Variants in KALRN observed in about 807,000 individuals in gnomAD.
KALRN encodes kalirin.
KALRN carries 70 observed loss-of-function variants against 353.7 expected under a neutral mutation model. The ratio of observed to expected loss-of-function variants is 0.20; its 90% CI spans 0.16 to 0.24. KALRN has a LOEUF of 0.24. Among genes scored for constraint, KALRN ranks in the 10% least tolerant of loss-of-function variants. The probability of loss-of-function intolerance (pLI) is 1.00; values close to 1 mark genes in which losing one functional copy is unlikely to be tolerated. For missense variants in KALRN, 2,791 were observed against 3,756.7 expected (o/e 0.74, Z 6.72); for synonymous variants, 1,391 against 1,434.8 (o/e 0.97, Z 0.69).
chr3:124,306,285 G>A (rs1580754152), intron 6 of KALRN, among the ~76,000 whole-genome samples: 2 of 151,810 alleles, frequency 1.3e-5, no homozygotes, highest in East Asian at 3.9e-4. Context: ...TGTTGCTCAG[G>A]CTGAGAGGCT....
chr3:124,141,306 CCTCA>C (rs2066595233), intron 1 of KALRN, among the ~76,000 whole-genome samples: 1 of 152,190 alleles, frequency 6.6e-6, no homozygotes, highest in Non-Finnish European at 1.5e-5. Flanking sequence ...AGATTAGAAT[CCTCA>C]CTCTGTCAGC....
intron 35 of KALRN, 57 bp from the exon 36 acceptor site, chr3:124,633,795 C>T: frequency 6.7e-7 from 1 of 1,484,652 alleles, no homozygotes; most frequent in Middle Eastern, 1.7e-4. Context: ...ATGTCAAGTC[C>T]AGAACCACTG....
chr3:124,424,352 C>T (rs1324302876), intron 15 of KALRN, among the ~76,000 whole-genome samples: 3 of 152,100 alleles, frequency 2.0e-5, no homozygotes, highest in Non-Finnish European at 4.4e-5. Flanking sequence ...TGGAATTAAG[C>T]CTACTGATTT....
rs369107575 is a variant in KALRN, at chr3:124,671,670, G to A, written c.6714G>A (p.Ser2238=). 92 of 1,611,242 alleles carry A rather than the reference G, an allele frequency of 5.7e-5. No homozygotes were observed. Among genetic ancestry groups the A allele is most frequent in the Non-Finnish European group, 6.7e-5 (79 of 1,177,462 alleles). Residue 2238 remains serine, a synonymous_variant, in exon 48 of 60, where the codon TCG becomes TCA. Transcript: ENST00000682506. ...GCTCTTATCCCACAGCACTGCAATCGCCCATTGAGTATCAACGGAAAGAAA... is the reference window on the plus strand; with the variant it reads ...GCTCTTATCCCACAGCACTGCAATCACCCATTGAGTATCAACGGAAAGAAA... ...TQRDFLNALQ[S]PIEYQRKERS... is the part of the protein sequence containing the mutation.
In KALRN at chr3:124,034,160, C is replaced by T. The variant is rs528506483; in HGVS notation, c.73+347C>T. On this transcript the variant is annotated intron_variant, in intron 1 of 59. Coordinates refer to ENST00000682506, the MANE Select transcript of KALRN (RefSeq NM_001388419.1). The stretch of plus-strand genomic sequence containing the variant: ...AGCGCGCCGCTCCGGCTACCGGCGT[C>T]CCGGCCCCTCCCTTGGCTCCCCCTC... Among the ~76,000 whole-genome samples, 4 of 152,262 alleles carry T rather than the reference C, an allele frequency of 2.6e-5. No homozygotes were observed. In the East Asian group the frequency reaches 7.8e-4, roughly 30 times the overall value.
chr3:124,648,279 TTG>T (rs2083000134), intron 37 of KALRN, among the ~76,000 whole-genome samples: 2 of 152,258 alleles, frequency 1.3e-5, no homozygotes, highest in African/African-American at 4.8e-5. Flanking sequence ...CCTCTTGTCC[TTG>T]TCTCTCACTG....
intron 6 of KALRN, among the ~76,000 whole-genome samples, chr3:124,304,127 A>AACACACACGCACACACAC: frequency 6.8e-6 from 1 of 147,504 alleles, no homozygotes; most frequent in East Asian, 2.0e-4. Context: ...TTTTGTTGTA[A>AACACACACGCACACACAC]ACACACACAC....
intron 5 of KALRN, among the ~76,000 whole-genome samples, chr3:124,282,900 T>G (rs1385493671): frequency 6.6e-6 from 1 of 152,156 alleles, no homozygotes; most frequent in Non-Finnish European, 1.5e-5. Context: ...TGAGCCCCAT[T>G]GCAGAGGCTG....
chr3:124,353,499 GA>G (rs1464862565), intron 10 of KALRN, among the ~76,000 whole-genome samples: 1 of 152,112 alleles, frequency 6.6e-6, no homozygotes, highest in African/African-American at 2.4e-5. Context: ...GAAATTCTGT[GA>G]CAAGAAAAGA....
intron 1 of KALRN, among the ~76,000 whole-genome samples, chr3:124,167,778 C>A (rs1423659080): frequency 1.3e-5 from 2 of 152,206 alleles, no homozygotes; most frequent in African/African-American, 4.8e-5. Flanking sequence ...TAGCTGTTAA[C>A]ATTAAAATTA....
intron 1 of KALRN, among the ~76,000 whole-genome samples, chr3:124,123,500 G>A (rs1173525461): frequency 6.6e-6 from 1 of 152,200 alleles, no homozygotes; most frequent in African/African-American, 2.4e-5. Context: ...AGCTAGCAGA[G>A]GTTGGTTCAT....
rs548490375 is a variant in KALRN, at chr3:124,384,943, C to A, written c.1869C>A (p.His623Gln). Residue 623 changes from histidine (H) to glutamine (Q), a missense_variant, in exon 11 of 60, where the codon CAC becomes CAA. His to Gln is a conservative substitution (Grantham distance 24). Transcript: ENST00000682506. Reference protein sequence around the residue: ...DPEEIYKAARHLEVRIQDFVR... With the variant: ...DPEEIYKAARQLEVRIQDFVR... ...AGGAGATCTACAAGGCAGCTCGACA[C>A]CTGGAGGTGCGCATCCAAGACTTCG... 1.9e-6 allele frequency: 3 copies of A among 1,614,098 alleles called. No individual in the cohort carries two copies. The highest frequency in any genetic ancestry group is 2.5e-6 in the Non-Finnish European group (3 of 1,179,986).
chr3:124,297,142 C>T (rs60213959), intron 5 of KALRN, among the ~76,000 whole-genome samples: 10,507 of 152,280 alleles, frequency 0.069, 1,033 homozygotes, highest in East Asian at 0.47. Context: ...GTCCCTGGCA[C>T]ATAGCAGGTA....
At chr3:124,395,499 A>C in intron 12 of KALRN, 156 bp downstream of exon 12, 1 of 583,532 alleles carries the variant, frequency 1.7e-6, no homozygotes, top group Non-Finnish European at 3.0e-6. Context: ...ACCATACTCA[A>C]CTTGAATCTA....
At chr3:124,493,029 T>A in intron 32 of KALRN, 147 bp downstream of exon 32, 1 of 816,156 alleles carries the variant, frequency 1.2e-6, no homozygotes, top group Non-Finnish European at 1.9e-6. Context: ...ATGAGTCATC[T>A]GATCTTTAAG....
At chr3:124,465,596 C>G (rs1181149932) in intron 25 of KALRN, among the ~76,000 whole-genome samples, 1 of 152,180 alleles carries the variant, frequency 6.6e-6, no homozygotes, top group Non-Finnish European at 1.5e-5. Flanking sequence ...TTCTTACTGG[C>G]TGGACCATGC....
chr3:124,244,393 C>T (rs1010016976), intron 3 of KALRN, among the ~76,000 whole-genome samples: 2 of 152,080 alleles, frequency 1.3e-5, no homozygotes, highest in Non-Finnish European at 2.9e-5. Context: ...GCCCACCACA[C>T]GTCCAGCTAA....
intron 13 of KALRN, among the ~76,000 whole-genome samples, chr3:124,405,016 C>A (rs899751358): frequency 5.3e-5 from 8 of 151,870 alleles, no homozygotes; most frequent in African/African-American, 1.9e-4. Context: ...GTGCACTCTT[C>A]CTAGTGATCA....
At chr3:124,434,877 A>G (rs1254024624) in intron 17 of KALRN, among the ~76,000 whole-genome samples, 1 of 152,244 alleles carries the variant, frequency 6.6e-6, no homozygotes, top group Non-Finnish European at 1.5e-5. Flanking sequence ...ACATAAAACA[A>G]TAAACATTTA....
Sources: allele counts gnomAD v4.1 joint callset (sites outside exome capture counted in the v4.1 genomes callset), GRCh38; gene constraint gnomAD v4.1.1; transcripts MANE v1.5; gene names NCBI Gene and HGNC (gene_info 2026-07-23, HGNC 2026-07-21).